ACCSL: variants seen among roughly 807,000 people sequenced by gnomAD.
ACCSL encodes the protein 1-aminocyclopropane-1-carboxylate synthase homolog (inactive) like, also known as probable inactive 1-aminocyclopropane-1-carboxylate synthase-like protein 2.
ACCSL carries 55 observed loss-of-function variants against 61.7 expected under a neutral mutation model. The ratio of observed to expected loss-of-function variants is 0.89; its 90% CI spans 0.72 to 1.12. The LOEUF (loss-of-function observed/expected upper bound fraction) is 1.12. Ranked by LOEUF, ACCSL falls within the 50% of genes most tolerant of loss-of-function variation. The pLI is 0.00. For missense variants in ACCSL, 632 were observed against 698.0 expected, an observed-to-expected ratio of 0.91 and a Z score of 1.07; for synonymous variants, 258 against 264.3, an observed-to-expected ratio of 0.98 and a Z score of 0.23.
chr11:43,998,739 A>T, the ACCSL span, among the ~76,000 whole-genome samples: 4 of 150,094 alleles, frequency 2.7e-5, no homozygotes, highest in African/African-American at 9.8e-5. Context: ...TTCATTCATT[A>T]TTTATTCATT....
chr11:44,048,624 T>G, intron 1 of ACCSL, 84 bp downstream of exon 1: 40 of 1,204,796 alleles, frequency 3.3e-5, no homozygotes, highest in East Asian at 5.0e-5. Flanking sequence ...AAGTGCTATA[T>G]ATGCTCTCAT....
At chr11:44,034,751 G>T in the ACCSL span, among the ~76,000 whole-genome samples, 2 of 152,122 alleles carry the variant, frequency 1.3e-5, no homozygotes, top group African/African-American at 4.8e-5. Flanking sequence ...TTTGGGTGGG[G>T]ACATACCCAA....
At chr11:43,956,128 G>A in the ACCSL span, among the ~76,000 whole-genome samples, 13 of 150,002 alleles carry the variant, frequency 8.7e-5, no homozygotes, top group African/African-American at 2.2e-4. Context: ...TACAGAAATC[G>A]GAAGTGAGGT....
the ACCSL span, among the ~76,000 whole-genome samples, chr11:43,968,689 G>C: frequency 6.6e-6 from 1 of 152,158 alleles, no homozygotes; most frequent in Non-Finnish European, 1.5e-5. Context: ...AATTCTCAGG[G>C]AAAATGCTTT....
intron 1 of ACCSL, among the ~76,000 whole-genome samples, chr11:44,048,820 C>T (rs1012375617): frequency 4.6e-5 from 7 of 152,198 alleles, no homozygotes; most frequent in African/African-American, 1.2e-4. Flanking sequence ...ATGAGCCTGC[C>T]GTTAAAGAAC....
chr11:44,008,954 G>T, the ACCSL span, among the ~76,000 whole-genome samples: 1 of 152,158 alleles, frequency 6.6e-6, no homozygotes, highest in African/African-American at 2.4e-5. Flanking sequence ...ATCATCTGAG[G>T]CCAGGAGTTT....
chr11:44,005,482 G>T, the ACCSL span, among the ~76,000 whole-genome samples: 9 of 152,136 alleles, frequency 5.9e-5, no homozygotes, highest in African/African-American at 1.9e-4. Context: ...CGACTCAGGG[G>T]CTCTGGGTGG....
At chr11:43,925,025 C>G in the ACCSL span, 44 of 174,148 alleles carry the variant, frequency 2.5e-4, no homozygotes, top group Non-Finnish European at 4.7e-4. Flanking sequence ...CTCTCTTTCT[C>G]TCAGACTTTC....
chr11:43,972,794 A>G, the ACCSL span, among the ~76,000 whole-genome samples: 7 of 152,264 alleles, frequency 4.6e-5, no homozygotes, highest in African/African-American at 1.7e-4. Context: ...ACCCAGGGTC[A>G]GGAACGGGGC....
the ACCSL span, among the ~76,000 whole-genome samples, chr11:44,001,775 C>CTGTGTGTG: frequency 4.8e-3 from 463 of 96,812 alleles, 10 homozygotes; most frequent in Admixed American, 0.026. Flanking sequence ...GGTAAAGGGG[C>CTGTGTGTG]TGTGTGTGTG....
the ACCSL span, among the ~76,000 whole-genome samples, chr11:44,032,270 G>A: frequency 3.9e-5 from 6 of 152,094 alleles, no homozygotes; most frequent in Non-Finnish European, 7.4e-5. Context: ...ATGTCCTCTC[G>A]TCACTCTGCA....
chr11:44,025,945 C>T, the ACCSL span, among the ~76,000 whole-genome samples: 2 of 152,180 alleles, frequency 1.3e-5, no homozygotes, highest in Non-Finnish European at 2.9e-5. Context: ...ACATGAGTAA[C>T]TTTGCTCTTG....
At position 44,059,955 on chromosome 11, in the gene ACCSL, C is replaced by T; in HGVS notation, c.*35C>T. On this transcript the variant is annotated 3_prime_UTR_variant, in exon 14 of 14. Coordinates refer to ENST00000378832, the MANE Select transcript of ACCSL (RefSeq NM_001031854.2). ...CTCCCAACCAGCAGTTCCAGCCCAT[C>T]ACTTGCTCAGGGACCCCCTAATGTC... is the stretch of plus-strand genomic sequence containing the variant. 1 of 1,598,976 alleles carries T rather than the reference C, an allele frequency of 6.3e-7. No homozygotes were observed. Among genetic ancestry groups the T allele is most frequent in the Non-Finnish European group, 8.6e-7 (1 of 1,167,402 alleles).
At chr11:43,976,821 G>C in the ACCSL span, among the ~76,000 whole-genome samples, 10 of 152,222 alleles carry the variant, frequency 6.6e-5, no homozygotes, top group African/African-American at 2.4e-4. Flanking sequence ...GCTAGTGTGT[G>C]CCCAACGAGA....
chr11:44,023,185 G>A, the ACCSL span, among the ~76,000 whole-genome samples: 2 of 151,528 alleles, frequency 1.3e-5, no homozygotes, highest in African/African-American at 4.9e-5. Context: ...CCAAGTAGCT[G>A]GGACTACAGG....
chr11:43,943,149 C>G, the ACCSL span: 1 of 1,501,858 alleles, frequency 6.7e-7, no homozygotes, highest in South Asian at 1.3e-5. This position sits in a 1 kb window ranked among gnomAD's most constrained non-coding sequence, Gnocchi z 4.8. Context: ...GCCAAGAAGT[C>G]GTTCCTGCAG....
chr11:44,043,832 G>T (rs564345501), upstream of ACCSL, among the ~76,000 whole-genome samples: 8 of 152,046 alleles, frequency 5.3e-5, no homozygotes, highest in Middle Eastern at 3.4e-3. Flanking sequence ...AACCTCTGGG[G>T]ATCTCCTGTT....
At chr11:43,940,894 G>A in the ACCSL span, among the ~76,000 whole-genome samples, 2 of 152,210 alleles carry the variant, frequency 1.3e-5, no homozygotes, top group Non-Finnish European at 2.9e-5. Flanking sequence ...AACCGCTGCA[G>A]TGTAGTGGCT....
At chr11:44,041,885 G>T in the ACCSL span, among the ~76,000 whole-genome samples, 9,076 of 152,144 alleles carry the variant, frequency 0.06, 500 homozygotes, top group African/African-American at 0.14. Context: ...TAAATAAGTT[G>T]TCTAAATAAA....
Sources: allele counts gnomAD v4.1 joint callset (sites outside exome capture counted in the v4.1 genomes callset), GRCh38; gene constraint gnomAD v4.1.1; non-coding constraint Gnocchi (gnomAD v3.1); transcripts MANE v1.5; gene names NCBI Gene and HGNC (gene_info 2026-07-23, HGNC 2026-07-21).